Variants in GRIA2 observed in about 807,000 individuals in gnomAD.
GRIA2 encodes the protein glutamate receptor 2.
Under a neutral mutation model 97.3 loss-of-function variants are expected in GRIA2, and 14 were observed. That is an observed-to-expected ratio of 0.14 (90% CI 0.10 to 0.23). The LOEUF (loss-of-function observed/expected upper bound fraction) is 0.23. Among genes scored for constraint, GRIA2 ranks in the 10% least tolerant of loss-of-function variants. GRIA2 has a pLI of 1.00. For missense variants in GRIA2, 558 were observed against 1,069.8 expected, an observed-to-expected ratio of 0.52 and a Z score of 6.67; for synonymous variants, 412 against 387.8, an observed-to-expected ratio of 1.06 and a Z score of -0.73.
intron 2 of GRIA2, among the ~76,000 whole-genome samples, chr4:157,229,641 A>G (rs1729912525): frequency 6.6e-6 from 1 of 152,108 alleles, no homozygotes; most frequent in Admixed American, 6.5e-5. Flanking sequence ...TCATAATTTT[A>G]TATATTTATG....
chr4:157,319,356 G>A (rs894699416), intron 5 of GRIA2, among the ~76,000 whole-genome samples: 11 of 152,184 alleles, frequency 7.2e-5, no homozygotes, highest in African/African-American at 2.7e-4. Flanking sequence ...TCCTCAATTT[G>A]AGAGCTGATA....
In GRIA2 at chr4:157,325,350, T is replaced by G. The variant is rs116714459; in HGVS notation, c.882+3751T>G. ...ATAACTAAAGTCATGGCACTGAGAT[T>G]TTAGGTCTGATTCCCTTTTACTAAT... is the stretch of plus-strand genomic sequence containing the variant. On this transcript the variant is annotated intron_variant, in intron 6 of 15. Coordinates refer to ENST00000264426, the MANE Select transcript of GRIA2 (RefSeq NM_001083619.3). Among the ~76,000 whole-genome samples, 557 of 152,308 alleles carry G rather than the reference T, an allele frequency of 3.7e-3. 5 individuals carry two copies. Among genetic ancestry groups the G allele is most frequent in the African/African-American group, 0.013 (527 of 41,560 alleles).
intron 2 of GRIA2, among the ~76,000 whole-genome samples, chr4:157,233,789 T>A (rs2126699412): frequency 6.6e-6 from 1 of 152,238 alleles, no homozygotes; most frequent in African/African-American, 2.4e-5. Flanking sequence ...TATGTATAAT[T>A]TTTTTCTTTC....
chr4:157,314,323 A>G (rs561152687), intron 4 of GRIA2, among the ~76,000 whole-genome samples: 1 of 152,222 alleles, frequency 6.6e-6, no homozygotes, highest in Admixed American at 6.5e-5. Context: ...ATCCTAATTG[A>G]TATATAATAA....
intron 12 of GRIA2, among the ~76,000 whole-genome samples, chr4:157,359,082 T>C (rs961408055): frequency 3.9e-5 from 6 of 152,176 alleles, no homozygotes; most frequent in Non-Finnish European, 7.3e-5. Context: ...GCTTTGACTT[T>C]CCAACTCTAT....
intron 6 of GRIA2, among the ~76,000 whole-genome samples, chr4:157,326,939 A>G (rs1734828997): frequency 6.6e-6 from 1 of 152,128 alleles, no homozygotes; most frequent in Non-Finnish European, 1.5e-5. Flanking sequence ...TGGTGGAGGC[A>G]GGGAAGCTTT....
intron 12 of GRIA2, among the ~76,000 whole-genome samples, chr4:157,358,612 A>G (rs923484004): frequency 3.9e-5 from 6 of 152,278 alleles, no homozygotes; most frequent in African/African-American, 9.6e-5. Flanking sequence ...CACTGAGCTG[A>G]AATGATCCAT....
intron 2 of GRIA2, among the ~76,000 whole-genome samples, chr4:157,268,703 G>T (rs1314751562): frequency 6.6e-6 from 1 of 151,732 alleles, no homozygotes; most frequent in South Asian, 2.1e-4. Context: ...TAATCTAGTA[G>T]ATCCTACTTA....
intron 14 of GRIA2, chr4:157,362,473 A>G (rs764363125): frequency 2.1e-5 from 10 of 480,992 alleles, no homozygotes; most frequent in Admixed American, 6.9e-5. Flanking sequence ...TGTACCTTCA[A>G]TTTTTCCCAC....
intron 2 of GRIA2, among the ~76,000 whole-genome samples, chr4:157,262,390 G>T (rs766418941): frequency 6.6e-6 from 1 of 151,664 alleles, no homozygotes; most frequent in South Asian, 2.1e-4. Flanking sequence ...TTGCTGGATG[G>T]GCTCTAACTT....
At position 157,256,203 on chromosome 4, in the gene GRIA2, T is replaced by TGTA. The variant is rs1471040534; in HGVS notation, c.229+34396_229+34397insGTA. Reference sequence around the variant, plus strand: ...TATATAATATATAACATATATTACATATATATGTTATATATAATATATAAT... The same window carrying TGTA: ...TATATAATATATAACATATATTACATGTAATATATGTTATATATAATATATAAT... On this transcript the variant is annotated intron_variant, in intron 2 of 15. Coordinates refer to ENST00000264426, the MANE Select transcript of GRIA2 (RefSeq NM_001083619.3). Among the ~76,000 whole-genome samples, 4 of 131,212 alleles carry TGTA rather than the reference T, an allele frequency of 3.0e-5. No individual in the cohort carries two copies. The East Asian group carries it at 8.4e-4, about 28-fold the overall frequency. The allele number at this position is 131,212 out of a possible 152,430, so 86.1% of individuals were successfully genotyped here.
chr4:157,304,952 C>A (rs1478468479), intron 3 of GRIA2, among the ~76,000 whole-genome samples: 1 of 152,032 alleles, frequency 6.6e-6, no homozygotes, highest in Non-Finnish European at 1.5e-5. Flanking sequence ...CAGCACTATA[C>A]AAGCTGAAAA....
At chr4:157,353,668 G>C (rs1736120575) in intron 12 of GRIA2, among the ~76,000 whole-genome samples, 4 of 151,986 alleles carry the variant, frequency 2.6e-5, no homozygotes, top group Admixed American at 2.6e-4. Context: ...GGGCTACAGA[G>C]CCAGACTCCG....
chr4:157,281,555 A>C (rs1030368852), intron 2 of GRIA2, among the ~76,000 whole-genome samples: 1 of 152,112 alleles, frequency 6.6e-6, no homozygotes, highest in African/African-American at 2.4e-5. Context: ...TTTCAAGAGA[A>C]TCTTCTGCTT....
intron 3 of GRIA2, among the ~76,000 whole-genome samples, chr4:157,306,388 T>A (rs562953245): frequency 1.2e-4 from 18 of 152,328 alleles, no homozygotes; most frequent in Non-Finnish European, 2.4e-4. Context: ...ATACTTTTAT[T>A]AATACTTAGA....
intron 2 of GRIA2, among the ~76,000 whole-genome samples, chr4:157,253,417 C>A (rs1289453568): frequency 6.6e-6 from 1 of 151,820 alleles, no homozygotes; most frequent in Non-Finnish European, 1.5e-5. Flanking sequence ...ATGCCTGGCC[C>A]CTTTTTGTTT....
At chr4:157,266,005 G>C (rs926606696) in intron 2 of GRIA2, among the ~76,000 whole-genome samples, 1 of 152,078 alleles carries the variant, frequency 6.6e-6, no homozygotes, top group Non-Finnish European at 1.5e-5. Context: ...GAGAAGCCAT[G>C]GTGACTGCTG....
chr4:157,290,106 A>G (rs934731291), intron 2 of GRIA2, among the ~76,000 whole-genome samples: 2 of 151,884 alleles, frequency 1.3e-5, no homozygotes, highest in Admixed American at 1.3e-4. Flanking sequence ...TATTACTTAA[A>G]AGAATAATGG....
At chr4:157,333,391 G>T in intron 8 of GRIA2, 38 bp downstream of exon 8, 13 of 1,075,944 alleles carry the variant, frequency 1.2e-5, no homozygotes, top group Middle Eastern at 2.2e-4. Flanking sequence ...TCTATGTGAG[G>T]AGGTGAGTTA....
Sources: allele counts gnomAD v4.1 joint callset (sites outside exome capture counted in the v4.1 genomes callset), GRCh38; gene constraint gnomAD v4.1.1; transcripts MANE v1.5; gene names NCBI Gene and HGNC (gene_info 2026-07-23, HGNC 2026-07-21).